FBXO15: variants seen among roughly 807,000 people sequenced by gnomAD.
FBXO15 encodes the protein F-box only protein 15.
In FBXO15, 30 loss-of-function variants were observed where a neutral mutation model predicts 49.5. The observed-to-expected ratio is 0.61, with a 90% CI of 0.45 to 0.82. The LOEUF (loss-of-function observed/expected upper bound fraction) is 0.82, where lower values mean the gene tolerates loss of function less well. FBXO15 is among the 40% of genes least tolerant of loss of function. The pLI, the probability that FBXO15 is intolerant of heterozygous loss-of-function variation, is 0.00. For missense variants in FBXO15, 591 were observed against 631.5 expected, an observed-to-expected ratio of 0.94 and a Z score of 0.69; for synonymous variants, 250 against 232.7, an observed-to-expected ratio of 1.07 and a Z score of -0.68.
chr18:74,094,595 T>C (rs1320911788), intron 8 of FBXO15, among the ~76,000 whole-genome samples: 2 of 152,234 alleles, frequency 1.3e-5, no homozygotes, highest in South Asian at 2.1e-4. Context: ...TGGGTCTCAA[T>C]AGTGGACTTA....
intron 8 of FBXO15, among the ~76,000 whole-genome samples, chr18:74,110,480 T>A (rs562618844): frequency 6.6e-6 from 1 of 151,730 alleles, no homozygotes; most frequent in South Asian, 2.1e-4. Flanking sequence ...GGAAAAAGCA[T>A]AGAATACATA....
At chr18:74,082,932 T>A (rs1912569259) in intron 8 of FBXO15, among the ~76,000 whole-genome samples, 1 of 152,194 alleles carries the variant, frequency 6.6e-6, no homozygotes, top group African/African-American at 2.4e-5. Context: ...GGTTATTTCA[T>A]GAGACAAAAT....
intron 3 of FBXO15, among the ~76,000 whole-genome samples, chr18:74,131,709 TA>T (rs1009309926): frequency 1.3e-5 from 2 of 152,232 alleles, no homozygotes; most frequent in Non-Finnish European, 2.9e-5. Flanking sequence ...ATCAATTCCT[TA>T]TCTGAAAGGC....
chr18:74,122,237 C>A (rs1331939021), intron 8 of FBXO15, among the ~76,000 whole-genome samples: 2 of 152,202 alleles, frequency 1.3e-5, no homozygotes, highest in African/African-American at 4.8e-5. Context: ...CAGATTTGAG[C>A]TGGACTCCTG....
chr18:74,121,810 A>G (rs1373022326), intron 8 of FBXO15, among the ~76,000 whole-genome samples: 1 of 152,234 alleles, frequency 6.6e-6, no homozygotes, highest in Non-Finnish European at 1.5e-5. Context: ...CATTTCTTCC[A>G]CCACAGGAGA....
chr18:74,138,124 T>C (rs1024815786), intron 2 of FBXO15, among the ~76,000 whole-genome samples: 1 of 151,982 alleles, frequency 6.6e-6, no homozygotes, highest in Non-Finnish European at 1.5e-5. Context: ...TTCCTTTGGT[T>C]CTCCCCACCC....
chr18:74,100,256 A>C (rs1345916268), intron 8 of FBXO15, among the ~76,000 whole-genome samples: 1 of 152,200 alleles, frequency 6.6e-6, no homozygotes, highest in Admixed American at 6.5e-5. Context: ...AATCAACTCC[A>C]AAAGAAACCT....
In FBXO15 at chr18:74,075,234, C is replaced by T. The variant is rs1197714913; in HGVS notation, c.1264-1504G>A. Among the ~76,000 whole-genome samples, 3 of 152,204 alleles carry T rather than the reference C, an allele frequency of 2.0e-5. No individual in the cohort carries two copies. The highest frequency in any genetic ancestry group is 6.5e-5 in the Admixed American group (1 of 15,284). ...GGAGGGTGATCTCTGCAGAGAACCT[C>T]GGCCTTCACAGACAGGGGAGAAGGA... On this transcript the variant is annotated intron_variant, in intron 9 of 9. Coordinates refer to ENST00000419743, the MANE Select transcript of FBXO15 (RefSeq NM_001142958.2). The surrounding 1 kb of genome is among the most constrained non-coding windows in gnomAD (Gnocchi z 4.1).
chr18:74,108,395 G>A (rs558188141), intron 8 of FBXO15, among the ~76,000 whole-genome samples: 30 of 152,066 alleles, frequency 2.0e-4, no homozygotes, highest in Admixed American at 1.0e-3. Context: ...TTAAAAACCC[G>A]GTAACAGAGA....
chr18:74,131,165 A>T (rs1192062519), intron 3 of FBXO15, among the ~76,000 whole-genome samples: 1 of 152,244 alleles, frequency 6.6e-6, no homozygotes, highest in Non-Finnish European at 1.5e-5. Context: ...AGAGAAAAAA[A>T]GTGAAGGTTT....
At chr18:74,134,595 C>G (rs570674032) in intron 3 of FBXO15, among the ~76,000 whole-genome samples, 1 of 152,014 alleles carries the variant, frequency 6.6e-6, no homozygotes, top group African/African-American at 2.4e-5. Flanking sequence ...GTCTCGATCT[C>G]CTGACCTCGT....
intron 8 of FBXO15, among the ~76,000 whole-genome samples, chr18:74,111,816 G>GAGA (rs1245346429): frequency 1.3e-5 from 2 of 152,038 alleles, no homozygotes; most frequent in African/African-American, 4.8e-5. Context: ...GAAAAAACAA[G>GAGA]AGAATACAAA....
chr18:74,129,753 T>C lies in FBXO15; in HGVS notation c.576-139A>G, dbSNP rs1978316365. The C allele has an allele frequency of 1.0e-5, 7 of 683,650 alleles. No individual in the cohort carries two copies. In the South Asian group the frequency reaches 1.4e-4, roughly 13 times the overall value. The allele number at this position is 683,650 out of a possible 1,614,324, so 42.3% of individuals were successfully genotyped here. On this transcript the variant is annotated intron_variant, in intron 4 of 9. Transcript: ENST00000419743. ...AATTCTCAGAATGTGCCCAGTATAA[T>C]TTTCACTTCAACAATAGTACTCTCT...
chr18:74,095,309 T>C (rs1229724552), intron 8 of FBXO15, among the ~76,000 whole-genome samples: 1 of 152,274 alleles, frequency 6.6e-6, no homozygotes, highest in Non-Finnish European at 1.5e-5. Flanking sequence ...AGGCCTAGCT[T>C]TCAACCTCTC....
intron 8 of FBXO15, among the ~76,000 whole-genome samples, chr18:74,103,063 C>T (rs1388698093): frequency 1.3e-5 from 2 of 152,026 alleles, no homozygotes; most frequent in East Asian, 3.9e-4. Flanking sequence ...ATAACTTACT[C>T]ATGTAACCAG....
chr18:74,079,109 A>G (rs1484414349), intron 9 of FBXO15, among the ~76,000 whole-genome samples: 2 of 152,264 alleles, frequency 1.3e-5, no homozygotes, highest in Non-Finnish European at 2.9e-5. Flanking sequence ...GCCAATCTCC[A>G]TATAGATTTA....
intron 8 of FBXO15, among the ~76,000 whole-genome samples, chr18:74,115,228 T>C (rs1398016701): frequency 6.6e-6 from 1 of 152,178 alleles, no homozygotes; most frequent in Non-Finnish European, 1.5e-5. Context: ...AATGGATGAC[T>C]GCAGCACTGG....
chr18:74,128,334 CAA>C (rs200806589), intron 5 of FBXO15, among the ~76,000 whole-genome samples: 15 of 129,896 alleles, frequency 1.2e-4, no homozygotes, highest in Non-Finnish European at 1.3e-4. Context: ...TACAGAGCTG[CAA>C]AAAAAAAAAA....
chr18:74,099,284 C>T (rs1422484056), intron 8 of FBXO15: 1 of 152,072 alleles, frequency 6.6e-6, no homozygotes. Context: ...CCTCCTTAAA[C>T]AAAACAACTA....
Sources: allele counts gnomAD v4.1 joint callset (sites outside exome capture counted in the v4.1 genomes callset), GRCh38; gene constraint gnomAD v4.1.1; non-coding constraint Gnocchi (gnomAD v3.1); transcripts MANE v1.5; gene names NCBI Gene and HGNC (gene_info 2026-07-23, HGNC 2026-07-21).